Variants in SERGEF observed in about 807,000 individuals in gnomAD.
SERGEF encodes the protein secretion-regulating guanine nucleotide exchange factor.
In SERGEF, 51 loss-of-function variants were observed where a neutral mutation model predicts 50.0. The observed-to-expected ratio is 1.02, with a 90% CI of 0.81 to 1.29. The LOEUF is 1.29. Ranked by LOEUF, SERGEF falls within the 50% of genes most tolerant of loss-of-function variation. SERGEF has a pLI of 0.00. For synonymous variants in SERGEF, 205 were observed against 212.4 expected (o/e 0.97, Z 0.30); for missense variants, 521 against 557.0 (o/e 0.94, Z 0.65).
intron 10 of SERGEF, among the ~76,000 whole-genome samples, chr11:17,843,086 A>G (rs1850534792): frequency 6.6e-6 from 1 of 152,218 alleles, no homozygotes; most frequent in East Asian, 1.9e-4. Context: ...TCACAGAAAC[A>G]GAGAGAACAG....
chr11:17,847,779 A>G (rs1469337704), intron 10 of SERGEF, among the ~76,000 whole-genome samples: 1 of 152,170 alleles, frequency 6.6e-6, no homozygotes, highest in Non-Finnish European at 1.5e-5. Flanking sequence ...GAGCATCCCA[A>G]TAACTGGTAG....
At chr11:17,809,200 C>T (rs1432578509) in intron 10 of SERGEF, among the ~76,000 whole-genome samples, 1 of 152,076 alleles carries the variant, frequency 6.6e-6, no homozygotes, top group African/African-American at 2.4e-5. Context: ...ACAGTGGGAA[C>T]AAAGACCTAG....
At chr11:17,950,967 C>G (rs1852762922) in intron 9 of SERGEF, among the ~76,000 whole-genome samples, 1 of 152,178 alleles carries the variant, frequency 6.6e-6, no homozygotes, top group Admixed American at 6.5e-5. Context: ...GAAAAAAAAG[C>G]AAGCCAGAGA....
intron 10 of SERGEF, among the ~76,000 whole-genome samples, chr11:17,805,751 C>T (rs1849748356): frequency 1.3e-5 from 2 of 152,346 alleles, no homozygotes; most frequent in South Asian, 4.1e-4. Context: ...ATCCCCTCTT[C>T]CTGCTCTCCT....
intron 10 of SERGEF, among the ~76,000 whole-genome samples, chr11:17,802,477 G>C (rs950664513): frequency 7.6e-4 from 116 of 152,188 alleles, no homozygotes; most frequent in African/African-American, 2.7e-3. Context: ...ATTTGTCTCA[G>C]AGTGTGAATC....
chr11:17,969,516 T>C (rs211097), intron 8 of SERGEF, among the ~76,000 whole-genome samples: 97,538 of 151,558 alleles, frequency 0.64, 31,937 homozygotes, highest in African/African-American at 0.78. Context: ...GGCTGGGGGG[T>C]GAGGAGTGTG....
intron 10 of SERGEF, among the ~76,000 whole-genome samples, chr11:17,804,804 G>A (rs1490708293): frequency 6.6e-6 from 1 of 152,162 alleles, no homozygotes; most frequent in Non-Finnish European, 1.5e-5. Context: ...AGTCCTCAGA[G>A]GCCTCAATGG....
intron 9 of SERGEF, among the ~76,000 whole-genome samples, chr11:17,915,187 C>T (rs930978140): frequency 4.3e-4 from 65 of 152,264 alleles, no homozygotes; most frequent in African/African-American, 1.5e-3. Flanking sequence ...GATCAATGTG[C>T]CTTATTAATC....
intron 6 of SERGEF, among the ~76,000 whole-genome samples, chr11:17,994,729 A>G (rs1853800144): frequency 6.6e-6 from 1 of 152,100 alleles, no homozygotes; most frequent in African/African-American, 2.4e-5. Flanking sequence ...TCTCCTTTCT[A>G]AGAGGACCTT....
chr11:17,964,368 C>A (rs1039304403), intron 8 of SERGEF, among the ~76,000 whole-genome samples: 6 of 151,964 alleles, frequency 3.9e-5, no homozygotes, highest in Non-Finnish European at 5.9e-5. Context: ...GCAGGTGCTG[C>A]AGCCATAGCT....
At chr11:17,863,758 T>C (rs546760347) in intron 10 of SERGEF, 1 of 152,346 alleles carries the variant, frequency 6.6e-6, no homozygotes, top group African/African-American at 2.4e-5. Flanking sequence ...TAACACTACA[T>C]GGCACATCAT....
chr11:17,834,841 T>G (rs1023437374), intron 10 of SERGEF, among the ~76,000 whole-genome samples: 1 of 152,224 alleles, frequency 6.6e-6, no homozygotes, highest in Non-Finnish European at 1.5e-5. Context: ...CTTTTTCTGC[T>G]CTGATCCCTC....
intron 1 of SERGEF, among the ~76,000 whole-genome samples, chr11:18,012,314 G>A (rs1854212827): frequency 6.6e-6 from 1 of 152,162 alleles, no homozygotes; most frequent in Non-Finnish European, 1.5e-5. Flanking sequence ...TCGGCCACCT[G>A]CCACGCTCCT....
chr11:17,994,446 A>G (rs1268608925), intron 6 of SERGEF, among the ~76,000 whole-genome samples: 1 of 130,186 alleles, frequency 7.7e-6, no homozygotes, highest in Non-Finnish European at 1.5e-5. Flanking sequence ...ACTGCACTCC[A>G]GCCTGGGCGA....
chr11:17,816,761 C>G (rs1418356862), intron 10 of SERGEF, among the ~76,000 whole-genome samples: 1 of 152,186 alleles, frequency 6.6e-6, no homozygotes, highest in Non-Finnish European at 1.5e-5. Context: ...TGGCCTGAGA[C>G]AAGATCCAGA....
At chr11:17,830,536 G>A (rs1381169913) in intron 10 of SERGEF, among the ~76,000 whole-genome samples, 1 of 151,530 alleles carries the variant, frequency 6.6e-6, no homozygotes, top group Non-Finnish European at 1.5e-5. Context: ...AAGAGAGTGA[G>A]AGAGAGGAAG....
intron 9 of SERGEF, among the ~76,000 whole-genome samples, chr11:17,944,197 G>T (rs1590211117): frequency 6.6e-6 from 1 of 152,212 alleles, no homozygotes; most frequent in East Asian, 1.9e-4. Context: ...AAAGTGCTGG[G>T]ATTACAGGTG....
intron 10 of SERGEF, among the ~76,000 whole-genome samples, chr11:17,834,557 T>C (rs1370119832): frequency 2.6e-5 from 4 of 152,228 alleles, no homozygotes; most frequent in Non-Finnish European, 5.9e-5. Context: ...GAATTAAATA[T>C]ATAAATGCTT....
At chr11:17,906,230 A>G (rs1174660156) in intron 9 of SERGEF, among the ~76,000 whole-genome samples, 1 of 152,102 alleles carries the variant, frequency 6.6e-6, no homozygotes, top group Non-Finnish European at 1.5e-5. Context: ...AAACTGAAAC[A>G]TTACCAACCC....
Sources: gnomAD v4.1 joint callset for allele counts (sites outside exome capture counted in the v4.1 genomes callset) on GRCh38, gnomAD v4.1.1 for gene constraint, MANE v1.5 for transcripts, NCBI Gene and HGNC (gene_info 2026-07-23, HGNC 2026-07-21) for gene names.